The following KANSL1 variants were observed in gnomAD, a reference collection of about 807,000 sequenced individuals.
KANSL1 encodes KAT8 regulatory NSL complex subunit 1.
Under a neutral mutation model 103.6 loss-of-function variants are expected in KANSL1, and 22 were observed. The ratio of observed to expected loss-of-function variants is 0.21; its 90% confidence interval spans 0.15 to 0.30. The LOEUF is 0.30. KANSL1 is among the 10% of genes least tolerant of loss of function. KANSL1 has a pLI of 1.00. For synonymous variants in KANSL1, 600 were observed against 527.6 expected (o/e 1.14, Z -1.88); for missense variants, 1,337 against 1,399.8 (o/e 0.96, Z 0.72).
At chr17:46,106,016 T>C (rs2042550758) in intron 2 of KANSL1, among the ~76,000 whole-genome samples, 1 of 151,864 alleles carries the variant, frequency 6.6e-6, no homozygotes, top group Non-Finnish European at 1.5e-5. Flanking sequence ...TCATCCCTAC[T>C]ACCCCAGTCC....
chr17:46,086,246 C>T (rs2079158842), intron 3 of KANSL1, among the ~76,000 whole-genome samples: 2 of 152,146 alleles, frequency 1.3e-5, no homozygotes, highest in Admixed American at 1.3e-4. Context: ...CTAAATACAA[C>T]CCTCAGATAG....
At chr17:46,144,434 GC>G (rs1478516545) in intron 2 of KANSL1, among the ~76,000 whole-genome samples, 1 of 152,192 alleles carries the variant, frequency 6.6e-6, no homozygotes, top group Non-Finnish European at 1.5e-5. Flanking sequence ...AATCAACTCT[GC>G]CAATTTCTGG....
At chr17:46,197,450 C>A (rs1032836823), upstream of KANSL1, among the ~76,000 whole-genome samples, 1 of 152,232 alleles carries the variant, frequency 6.6e-6, no homozygotes, top group Non-Finnish European at 1.5e-5. Context: ...CGAGACCAGC[C>A]TGGCCAACAT....
chr17:46,152,488 A>G (rs931778356), intron 2 of KANSL1, among the ~76,000 whole-genome samples: 1 of 150,578 alleles, frequency 6.6e-6, no homozygotes, highest in African/African-American at 2.5e-5. Flanking sequence ...GAAGCAACAC[A>G]TTTCCACCAA....
At chr17:46,143,780 G>A (rs2044547248) in intron 2 of KANSL1, among the ~76,000 whole-genome samples, 1 of 143,824 alleles carries the variant, frequency 7.0e-6, no homozygotes, top group Admixed American at 7.5e-5. Context: ...CTCCAGCCTG[G>A]GCGACAGAGC....
upstream of KANSL1, chr17:46,193,711 G>A (rs747959789): frequency 3.8e-6 from 1 of 263,898 alleles, no homozygotes; most frequent in South Asian, 2.7e-5. Context: ...ACTGCGGCAG[G>A]GGGAAGCCAG....
At chr17:46,137,050 G>A (rs1238757829) in intron 2 of KANSL1, among the ~76,000 whole-genome samples, 1 of 152,176 alleles carries the variant, frequency 6.6e-6, no homozygotes, top group Non-Finnish European at 1.5e-5. Flanking sequence ...GGTGAGTGTA[G>A]GGCACAGCTG....
chr17:46,178,256 G>A (rs185735489), intron 1 of KANSL1, among the ~76,000 whole-genome samples: 59 of 152,168 alleles, frequency 3.9e-4, no homozygotes, highest in Non-Finnish European at 6.5e-4. Flanking sequence ...AACAAAAAAA[G>A]GAAGCAGTTC....
intron 1 of KANSL1, among the ~76,000 whole-genome samples, chr17:46,215,954 C>T (rs765079513): frequency 1.3e-5 from 2 of 152,092 alleles, no homozygotes; most frequent in South Asian, 4.1e-4. Flanking sequence ...GCAAGAGAGT[C>T]GCTGGAACCT....
intron 2 of KANSL1, among the ~76,000 whole-genome samples, chr17:46,145,860 C>T (rs1022541248): frequency 1.1e-4 from 17 of 152,200 alleles, no homozygotes; most frequent in African/African-American, 4.1e-4. Flanking sequence ...TCCCGAGTAG[C>T]TGGGATTACA....
At chr17:46,119,255 A>G (rs2043175246) in intron 2 of KANSL1, among the ~76,000 whole-genome samples, 1 of 152,196 alleles carries the variant, frequency 6.6e-6, no homozygotes, top group Non-Finnish European at 1.5e-5. Flanking sequence ...TTGTCAGAGA[A>G]GCAAGCACAG....
chr17:46,127,113 T>C (rs900613168), intron 2 of KANSL1, among the ~76,000 whole-genome samples: 3 of 152,208 alleles, frequency 2.0e-5, no homozygotes, highest in African/African-American at 7.2e-5. Flanking sequence ...TAAATGTCCT[T>C]TACAGAACAT....
intron 2 of KANSL1, among the ~76,000 whole-genome samples, chr17:46,101,242 A>C (rs559865617): frequency 7.2e-5 from 11 of 152,352 alleles, no homozygotes; most frequent in African/African-American, 2.2e-4. Context: ...AAACAAAAAC[A>C]AAAAACCACT....
chr17:46,132,756 A>AAT (rs1244792426), intron 2 of KANSL1, among the ~76,000 whole-genome samples: 1 of 152,164 alleles, frequency 6.6e-6, no homozygotes, highest in Non-Finnish European at 1.5e-5. Flanking sequence ...GAGACCACGT[A>AAT]ATATAGTTAG....
intron 6 of KANSL1, among the ~76,000 whole-genome samples, chr17:46,062,396 C>G (rs112411928): frequency 0.15 from 19,910 of 135,234 alleles, 1,954 homozygotes; most frequent in Middle Eastern, 0.23. Flanking sequence ...CTCTCACTCT[C>G]TCACCAGGCT....
intron 2 of KANSL1, among the ~76,000 whole-genome samples, chr17:46,099,031 C>A (rs1410505531): frequency 6.8e-6 from 1 of 147,338 alleles, no homozygotes; most frequent in Admixed American, 6.8e-5. Context: ...TGTTCCTTAA[C>A]AAATACAAGC....
At chr17:46,183,995 C>A (rs1443102517) in intron 1 of KANSL1, among the ~76,000 whole-genome samples, 1 of 152,204 alleles carries the variant, frequency 6.6e-6, no homozygotes, top group East Asian at 1.9e-4. Flanking sequence ...AACCCATTCC[C>A]TGCCCCAACA....
chr17:46,188,759 G>A (rs2047153341), intron 1 of KANSL1, among the ~76,000 whole-genome samples: 1 of 152,044 alleles, frequency 6.6e-6, no homozygotes, highest in Non-Finnish European at 1.5e-5. Context: ...GGCCAGGCCC[G>A]GTGGCTCACG....
intron 1 of KANSL1, among the ~76,000 whole-genome samples, chr17:46,199,713 T>C (rs1371064146): frequency 1.3e-5 from 2 of 152,228 alleles, no homozygotes; most frequent in Non-Finnish European, 2.9e-5. Flanking sequence ...AAAAACTAAT[T>C]ATTAGGCAGC....
Sources: gnomAD v4.1 joint callset for allele counts (sites outside exome capture counted in the v4.1 genomes callset) on GRCh38, gnomAD v4.1.1 for gene constraint, MANE v1.5 for transcripts, NCBI Gene and HGNC (gene_info 2026-07-23, HGNC 2026-07-21) for gene names.